The following SENP6 variants were observed in gnomAD, a reference collection of about 807,000 sequenced individuals.
The protein encoded by SENP6 is SUMO specific peptidase 6.
In SENP6, 41 loss-of-function variants were observed where a neutral mutation model predicts 134.5. The ratio of observed to expected loss-of-function variants is 0.30; its 90% CI spans 0.24 to 0.40. The LOEUF is 0.40. SENP6 is among the 10% of genes least tolerant of loss of function. The probability of loss-of-function intolerance (pLI) is 1.00; values close to 1 mark genes in which losing one functional copy is unlikely to be tolerated. For synonymous variants in SENP6, 395 were observed against 429.8 expected (o/e 0.92, Z 1.00); for missense variants, 1,248 against 1,312.5 (o/e 0.95, Z 0.76).
At position 75,659,416 on chromosome 6, in the gene SENP6, A is replaced by T; in HGVS notation, c.696+9A>T. On this transcript the variant is annotated intron_variant, in intron 8 of 23. Transcript: ENST00000447266. ...GTTTAACCCATTTAGAGGTAAGTAGAGAAATTATTCTTTGTTGCTAATCAG... is the reference window on the plus strand; with the variant it reads ...GTTTAACCCATTTAGAGGTAAGTAGTGAAATTATTCTTTGTTGCTAATCAG... 6.3e-7 allele frequency: 1 copy of T among 1,595,268 alleles called. No individual in the cohort carries two copies. Among genetic ancestry groups the T allele is most frequent in the Non-Finnish European group, 8.6e-7 (1 of 1,167,584 alleles).
At chr6:75,643,149 T>G (rs1450797834) in intron 6 of SENP6, among the ~76,000 whole-genome samples, 1 of 151,782 alleles carries the variant, frequency 6.6e-6, no homozygotes, top group Non-Finnish European at 1.5e-5. Context: ...TGTATAAAAA[T>G]AGGAGAAAAG....
intron 8 of SENP6, 76 bp downstream of exon 8, chr6:75,659,483 C>A (rs1562016473): frequency 4.5e-6 from 6 of 1,344,964 alleles, no homozygotes; most frequent in Non-Finnish European, 6.2e-6. Context: ...TTATTAAATT[C>A]TAGGTGATCT....
At chr6:75,613,864 T>G (rs1365546565) in intron 1 of SENP6, among the ~76,000 whole-genome samples, 2 of 152,216 alleles carry the variant, frequency 1.3e-5, no homozygotes, top group Non-Finnish European at 2.9e-5. Context: ...TTAGTTGACC[T>G]AAAAATGTTC....
At chr6:75,633,474 C>T in intron 3 of SENP6, 107 bp from the exon 4 acceptor site, 1 of 900,398 alleles carries the variant, frequency 1.1e-6, no homozygotes, top group Non-Finnish European at 1.6e-6. Context: ...CACCATCATT[C>T]CCAATAGCTG....
chr6:75,628,996 A>G (rs2149834744), intron 3 of SENP6, among the ~76,000 whole-genome samples: 1 of 152,346 alleles, frequency 6.6e-6, no homozygotes, highest in South Asian at 2.1e-4. Context: ...AAGTGCTGGA[A>G]TTACAGGCAT....
intron 7 of SENP6, among the ~76,000 whole-genome samples, chr6:75,650,155 T>C (rs927275141): frequency 6.6e-6 from 1 of 152,166 alleles, no homozygotes; most frequent in African/African-American, 2.4e-5. Context: ...GTCTTAGGAT[T>C]AGATTAAGGC....
intron 3 of SENP6, among the ~76,000 whole-genome samples, chr6:75,630,796 A>G (rs796756897): frequency 1.3e-5 from 2 of 151,798 alleles, no homozygotes; most frequent in South Asian, 2.1e-4. Context: ...TGTGGATTTT[A>G]CCTTTCTACA....
intron 18 of SENP6, among the ~76,000 whole-genome samples, chr6:75,701,656 T>TA (rs1775040282): frequency 6.8e-6 from 1 of 146,052 alleles, no homozygotes; most frequent in Non-Finnish European, 1.5e-5. Flanking sequence ...TTTTTTTTTT[T>TA]GGAGACGGAG....
At chr6:75,687,038 A>G (rs1014864538) in intron 16 of SENP6, among the ~76,000 whole-genome samples, 3 of 152,160 alleles carry the variant, frequency 2.0e-5, no homozygotes, top group Non-Finnish European at 2.9e-5. Context: ...TACACCAATC[A>G]AATGTAGATT....
At chr6:75,686,821 C>G (rs960155468) in intron 16 of SENP6, among the ~76,000 whole-genome samples, 1 of 152,128 alleles carries the variant, frequency 6.6e-6, no homozygotes, top group Non-Finnish European at 1.5e-5. Flanking sequence ...CTCTGGCTGC[C>G]CTTAACACTT....
At chr6:75,694,326 A>ACC (rs1345683174) in intron 16 of SENP6, among the ~76,000 whole-genome samples, 3 of 152,204 alleles carry the variant, frequency 2.0e-5, no homozygotes, top group Non-Finnish European at 4.4e-5. Context: ...ACCACTGTAC[A>ACC]AGTTCTTTCT....
intron 5 of SENP6, among the ~76,000 whole-genome samples, chr6:75,635,415 C>G (rs985501203): frequency 6.6e-6 from 1 of 152,100 alleles, no homozygotes; most frequent in Non-Finnish European, 1.5e-5. Context: ...GCATTATAAA[C>G]AGTTCCTTAT....
At chr6:75,699,718 G>T (rs1472630040) in intron 18 of SENP6, among the ~76,000 whole-genome samples, 1 of 151,990 alleles carries the variant, frequency 6.6e-6, no homozygotes, top group African/African-American at 2.4e-5. Context: ...TCAAACTCCA[G>T]AGCCGAAGCG....
At chr6:75,698,557 A>AC (rs200528364) in intron 18 of SENP6, among the ~76,000 whole-genome samples, 2,048 of 151,346 alleles carry the variant, frequency 0.014, 21 homozygotes, top group Middle Eastern at 0.034. Flanking sequence ...CTGGTCTTGA[A>AC]CTCTTGGCCT....
chr6:75,667,512 AATT>A (rs1772336504), intron 10 of SENP6, among the ~76,000 whole-genome samples: 1 of 152,150 alleles, frequency 6.6e-6, no homozygotes, highest in Non-Finnish European at 1.5e-5. Flanking sequence ...GAAAAGTGCA[AATT>A]AAGGAAAATG....
chr6:75,626,319 A>G (rs1041307255), intron 3 of SENP6, among the ~76,000 whole-genome samples: 5 of 151,658 alleles, frequency 3.3e-5, no homozygotes, highest in African/African-American at 1.2e-4. Flanking sequence ...CTTGTTTTAA[A>G]AATTATGTGG....
intron 8 of SENP6, among the ~76,000 whole-genome samples, chr6:75,660,709 T>C (rs1419447155): frequency 6.6e-6 from 1 of 152,060 alleles, no homozygotes; most frequent in East Asian, 1.9e-4. Context: ...CTCGGCTCAC[T>C]GTAGCCTCCA....
intron 2 of SENP6, chr6:75,622,864 T>G: frequency 8.2e-7 from 1 of 1,223,346 alleles, no homozygotes; most frequent in Non-Finnish European, 1.1e-6. Context: ...AACTGGTAAG[T>G]CTCTCATTTA....
intron 16 of SENP6, among the ~76,000 whole-genome samples, chr6:75,688,474 A>C (rs560767161): frequency 1.3e-5 from 2 of 152,342 alleles, no homozygotes; most frequent in East Asian, 3.9e-4. Context: ...CATCTTCTGC[A>C]TCGGTCATGC....
Sources: gnomAD v4.1 joint callset for allele counts (sites outside exome capture counted in the v4.1 genomes callset) on GRCh38, gnomAD v4.1.1 for gene constraint, MANE v1.5 for transcripts, NCBI Gene and HGNC (gene_info 2026-07-23, HGNC 2026-07-21) for gene names.